The following SLC12A1 variants were observed in gnomAD, a reference collection of about 807,000 sequenced individuals.
SLC12A1 encodes the protein solute carrier family 12 member 1, also known as Na-K-2Cl cotransporter.
SLC12A1 carries 89 observed loss-of-function variants against 130.4 expected under a neutral mutation model. The observed-to-expected ratio is 0.68, with a 90% CI of 0.58 to 0.81. The LOEUF is 0.81. Ranked by LOEUF, SLC12A1 falls within the 40% of genes least tolerant of loss-of-function variation. SLC12A1 has a pLI of 0.00. For synonymous variants in SLC12A1, 499 were observed against 460.0 expected (o/e 1.08, Z -1.09); for missense variants, 1,310 against 1,336.4 (o/e 0.98, Z 0.31).
rs558123235 is a variant in SLC12A1, at chr15:48,251,501, T to C, written c.1787-114T>C. On this transcript the variant is annotated intron_variant, in intron 14 of 26. Coordinates refer to ENST00000380993, the MANE Select transcript of SLC12A1 (RefSeq NM_000338.3). ...TAATCACAGATTCTGGAACTTGGCC[T>C]AAAAGTTCTGATTCTTTATGTCAGG... 1.8e-4 allele frequency: 148 copies of C among 841,098 alleles called. 1 individual carries two copies. In the South Asian group the frequency reaches 2.1e-3, roughly 12 times the overall value. 52.1% of individuals were successfully genotyped at this position (841,098 alleles called of 1,614,324 possible).
At chr15:48,213,368 G>T (rs989906857) in intron 2 of SLC12A1, among the ~76,000 whole-genome samples, 1 of 152,044 alleles carries the variant, frequency 6.6e-6, no homozygotes, top group Non-Finnish European at 1.5e-5. Context: ...ACAAAAGATT[G>T]TATTGCTTGT....
chr15:48,236,926 A>T, intron 9 of SLC12A1: 1 of 630,842 alleles, frequency 1.6e-6, no homozygotes, highest in Non-Finnish European at 2.8e-6. Flanking sequence ...ACAAGTTTGT[A>T]TCAGATGTAT....
chr15:48,210,693 TAAAAAAAAAA>T (rs34235092), intron 2 of SLC12A1, among the ~76,000 whole-genome samples: 5 of 122,640 alleles, frequency 4.1e-5, no homozygotes, highest in Non-Finnish European at 6.8e-5. Context: ...CTTCTCTACT[TAAAAAAAAAA>T]AAAAAAAAAA....
At chr15:48,230,334 C>A in intron 6 of SLC12A1, 59 bp from the exon 7 acceptor site, 1 of 980,120 alleles carries the variant, frequency 1.0e-6, no homozygotes, top group Non-Finnish European at 1.6e-6. Context: ...TTAAATGCTG[C>A]AATAAGACTC....
At chr15:48,226,985 T>C in intron 5 of SLC12A1, 1 of 791,362 alleles carries the variant, frequency 1.3e-6, no homozygotes, top group Non-Finnish European at 2.1e-6. Context: ...GGGAGGTGGA[T>C]CTTTCTGTGA....
At position 48,297,130 on chromosome 15, in the gene SLC12A1, C is replaced by CT. The variant is rs377282389; in HGVS notation, c.2961-2002dup. 8.5e-3 allele frequency among the ~76,000 whole-genome samples: 1,295 copies of CT among 152,068 alleles called. 27 individuals are homozygous for CT. Among genetic ancestry groups the CT allele is most frequent in the African/African-American group, 0.03 (1,247 of 41,472 alleles). ...ATTCTCTTTCAGTCTCCCTACTTTA[C>CT]TTTTTTTTAATAAAATCATCTATCA... On this transcript the variant is annotated intron_variant, in intron 24 of 26. Transcript: ENST00000380993.
chr15:48,248,812 C>G (rs12438598), intron 13 of SLC12A1, among the ~76,000 whole-genome samples: 56,799 of 152,112 alleles, frequency 0.37, 15,087 homozygotes, highest in African/African-American at 0.74. Flanking sequence ...GGGAGGCTGA[C>G]GTGGGCAGAT....
intron 17 of SLC12A1, among the ~76,000 whole-genome samples, chr15:48,264,894 C>T (rs1597439775): frequency 1.3e-5 from 2 of 152,100 alleles, no homozygotes; most frequent in South Asian, 2.1e-4. Context: ...AAATGCTTTA[C>T]CCCTTTCTCA....
intron 17 of SLC12A1, among the ~76,000 whole-genome samples, chr15:48,263,263 G>A (rs540923469): frequency 2.6e-5 from 4 of 152,198 alleles, no homozygotes; most frequent in East Asian, 3.9e-4. Context: ...CCTGGGATTT[G>A]GAACACAAAT....
At chr15:48,243,164 G>A (rs1216714196) in intron 10 of SLC12A1, among the ~76,000 whole-genome samples, 1 of 152,070 alleles carries the variant, frequency 6.6e-6, no homozygotes, top group Non-Finnish European at 1.5e-5. Context: ...CTGTTATGCA[G>A]AGGTTAAAAT....
intron 16 of SLC12A1, among the ~76,000 whole-genome samples, chr15:48,258,849 A>G (rs2041738749): frequency 6.6e-6 from 1 of 152,200 alleles, no homozygotes; most frequent in African/African-American, 2.4e-5. Context: ...GCATGGGAAC[A>G]TCTGTCCCCA....
chr15:48,272,617 G>A (rs989969331), intron 19 of SLC12A1, among the ~76,000 whole-genome samples: 56 of 152,088 alleles, frequency 3.7e-4, no homozygotes, highest in African/African-American at 1.1e-3. Flanking sequence ...TAGTAGAGAT[G>A]GGGTTTCACC....
At chr15:48,286,784 A>C (rs566981777) in intron 21 of SLC12A1, among the ~76,000 whole-genome samples, 1 of 152,258 alleles carries the variant, frequency 6.6e-6, no homozygotes, top group South Asian at 2.1e-4. Context: ...CCCATTCACT[A>C]CTCTGGGCTT....
chr15:48,283,093 G>T (rs927575350), intron 20 of SLC12A1, among the ~76,000 whole-genome samples: 1 of 152,028 alleles, frequency 6.6e-6, no homozygotes, highest in Admixed American at 6.6e-5. Context: ...ATAACTCCCA[G>T]GCATCTCAAA....
intron 2 of SLC12A1, among the ~76,000 whole-genome samples, chr15:48,213,798 C>T (rs1459299765): frequency 6.6e-6 from 1 of 152,126 alleles, no homozygotes; most frequent in Non-Finnish European, 1.5e-5. Flanking sequence ...GCTGGGACTA[C>T]AGGTGTGAGC....
intron 17 of SLC12A1, among the ~76,000 whole-genome samples, chr15:48,261,696 G>C (rs945104306): frequency 1.3e-5 from 2 of 152,186 alleles, no homozygotes; most frequent in African/African-American, 4.8e-5. Context: ...AAAGGACAAT[G>C]GTTGATGGTT....
At chr15:48,285,456 G>A (rs1462611311) in intron 21 of SLC12A1, among the ~76,000 whole-genome samples, 1 of 152,068 alleles carries the variant, frequency 6.6e-6, no homozygotes. Flanking sequence ...CCATCTTACT[G>A]TCAAAAATTA....
At position 48,241,619 on chromosome 15, in the gene SLC12A1, T is replaced by A; in HGVS notation, c.1300+20T>A. The A allele has an allele frequency of 6.6e-7, 1 of 1,509,032 alleles. No homozygotes were observed. Among genetic ancestry groups the A allele is most frequent in the East Asian group, 2.3e-5 (1 of 44,404 alleles). The allele number at this position is 1,509,032 out of a possible 1,614,324, so 93.5% of individuals were successfully genotyped here. A position where few individuals can be genotyped will look rare whatever the true frequency, so the allele number is the denominator to read the frequency against. ...GTGTAGGTAAGTGGTACGTCTCCAG[T>A]GTCAGAATGTCAGAATTACGAGGGG... On this transcript the variant is annotated intron_variant, in intron 10 of 26. Transcript: ENST00000380993.
At chr15:48,251,399 C>T (rs542308206) in intron 14 of SLC12A1, among the ~76,000 whole-genome samples, 1 of 151,948 alleles carries the variant, frequency 6.6e-6, no homozygotes, top group South Asian at 2.1e-4. Context: ...AGATGCTTAA[C>T]ATTTCCTAAA....
Sources: allele counts gnomAD v4.1 joint callset (sites outside exome capture counted in the v4.1 genomes callset), GRCh38; gene constraint gnomAD v4.1.1; transcripts MANE v1.5; gene names NCBI Gene and HGNC (gene_info 2026-07-23, HGNC 2026-07-21).